Variants in LDLRAD3 observed in about 807,000 individuals in gnomAD.
LDLRAD3 encodes the protein low-density lipoprotein receptor class A domain-containing protein 3.
A neutral mutation model predicts 29.4 loss-of-function variants in LDLRAD3; 20 were observed. The observed-to-expected ratio is 0.68, with a 90% confidence interval of 0.48 to 0.99. The LOEUF (loss-of-function observed/expected upper bound fraction) is 0.99, where lower values mean the gene tolerates loss of function less well. Ranked by LOEUF, LDLRAD3 falls within the 50% of genes least tolerant of loss-of-function variation. The pLI, the probability that LDLRAD3 is intolerant of heterozygous loss-of-function variation, is 0.00. For missense variants in LDLRAD3, 420 were observed against 454.3 expected (o/e 0.92, Z 0.69); for synonymous variants, 157 against 192.7 (o/e 0.81, Z 1.53).
intron 4 of LDLRAD3, among the ~76,000 whole-genome samples, chr11:36,207,332 C>G (rs1855224506): frequency 6.6e-6 from 1 of 152,124 alleles, no homozygotes. Flanking sequence ...CTTTGATAAC[C>G]TGGTATTGGA....
chr11:35,963,433 G>GTTT (rs375997319), intron 1 of LDLRAD3, among the ~76,000 whole-genome samples: 20 of 144,432 alleles, frequency 1.4e-4, no homozygotes, highest in African/African-American at 4.8e-4. Flanking sequence ...GTGTGTGTGT[G>GTTT]TTTTTTTTTT....
intron 1 of LDLRAD3, among the ~76,000 whole-genome samples, chr11:35,974,887 C>G (rs1248706285): frequency 6.6e-6 from 1 of 152,312 alleles, no homozygotes; most frequent in South Asian, 2.1e-4. Context: ...AAGAGTCCAC[C>G]TGCCATCCTA....
chr11:36,002,060 C>T (rs913707647), intron 1 of LDLRAD3, among the ~76,000 whole-genome samples: 1 of 152,130 alleles, frequency 6.6e-6, no homozygotes, highest in African/African-American at 2.4e-5. Flanking sequence ...TGGGGCTCCT[C>T]GTCTAGGGGG....
chr11:35,974,525 G>A (rs1204418362), intron 1 of LDLRAD3, among the ~76,000 whole-genome samples: 1 of 152,234 alleles, frequency 6.6e-6, no homozygotes, highest in Non-Finnish European at 1.5e-5. Flanking sequence ...CAAAGTGTCA[G>A]CTGAAGCTGC....
rs1451239301 is a variant in LDLRAD3 at position 35,944,591 on chromosome 11, G to T, written c.46+447G>T. Reference sequence around the variant, plus strand: ...GTTAGCCTCCTCTGGGCCTCTTCCCGAGTCTCTGGCGTGCACTCCGTGCCT... The same window carrying T: ...GTTAGCCTCCTCTGGGCCTCTTCCCTAGTCTCTGGCGTGCACTCCGTGCCT... On this transcript the variant is annotated intron_variant, in intron 1 of 5. Coordinates refer to ENST00000315571, the MANE Select transcript of LDLRAD3 (RefSeq NM_174902.4). The surrounding 1 kb of genome is among the most constrained non-coding windows in gnomAD (Gnocchi z 4.9). Among the ~76,000 whole-genome samples, 1 of 152,132 alleles carries T rather than the reference G, an allele frequency of 6.6e-6. No homozygotes were observed. Among genetic ancestry groups the T allele is most frequent in the African/African-American group, 2.4e-5 (1 of 41,442 alleles).
chr11:36,059,742 A>G (rs1184614953), intron 2 of LDLRAD3, among the ~76,000 whole-genome samples: 4 of 152,146 alleles, frequency 2.6e-5, no homozygotes, highest in African/African-American at 4.8e-5. Flanking sequence ...ATCTCCGTAC[A>G]TCACCACCTA....
At chr11:36,096,029 A>G (rs1402592483) in intron 3 of LDLRAD3, among the ~76,000 whole-genome samples, 1 of 150,746 alleles carries the variant, frequency 6.6e-6, no homozygotes, top group Non-Finnish European at 1.5e-5. Context: ...GATCCAGTTG[A>G]GCCATTCTCT....
chr11:36,177,625 G>A (rs1182396992), intron 4 of LDLRAD3, among the ~76,000 whole-genome samples: 1 of 152,206 alleles, frequency 6.6e-6, no homozygotes, highest in Non-Finnish European at 1.5e-5. Context: ...CTGGACTCCA[G>A]GCTGGTGCTA....
intron 4 of LDLRAD3, among the ~76,000 whole-genome samples, chr11:36,154,929 T>G (rs555333788): frequency 1.6e-4 from 25 of 152,210 alleles, no homozygotes; most frequent in African/African-American, 6.0e-4. Flanking sequence ...TCTGTCTGTC[T>G]GCTTCTCTCT....
intron 4 of LDLRAD3, 143 bp downstream of exon 4, chr11:36,098,604 T>A (rs1853399765): frequency 3.5e-6 from 3 of 863,854 alleles, no homozygotes; most frequent in Non-Finnish European, 5.3e-6. Flanking sequence ...GCAGCCCTTG[T>A]ACAGGTAGGT....
rs370536907 is a variant in LDLRAD3, at chr11:36,174,825, C to CA, written c.455-52253dup. On this transcript the variant is annotated intron_variant, in intron 4 of 5. Coordinates refer to ENST00000315571, the MANE Select transcript of LDLRAD3 (RefSeq NM_174902.4). ...TGAAACCCTGTCTCTACTAAAAATACAAAAAAATTAGCTGGGCGTGGTGGC... is the reference window on the plus strand; with the variant it reads ...TGAAACCCTGTCTCTACTAAAAATACAAAAAAAATTAGCTGGGCGTGGTGGC... Among the ~76,000 whole-genome samples the CA allele has an allele frequency of 9.3e-3, 1,419 of 151,906 alleles. 25 individuals are homozygous for CA. Among genetic ancestry groups the CA allele is most frequent in the African/African-American group, 0.032 (1,331 of 41,420 alleles).
intron 4 of LDLRAD3, among the ~76,000 whole-genome samples, chr11:36,161,308 A>G (rs1451879504): frequency 6.6e-6 from 1 of 152,172 alleles, no homozygotes; most frequent in Non-Finnish European, 1.5e-5. Flanking sequence ...CTATAATACT[A>G]TCCCCATTTT....
intron 4 of LDLRAD3, among the ~76,000 whole-genome samples, chr11:36,168,224 C>A (rs894603685): frequency 1.3e-5 from 2 of 152,154 alleles, no homozygotes; most frequent in African/African-American, 4.8e-5. Context: ...TAAAAACCAA[C>A]AAGATCATAA....
At chr11:36,181,283 C>T (rs974948966) in intron 4 of LDLRAD3, among the ~76,000 whole-genome samples, 2 of 151,776 alleles carry the variant, frequency 1.3e-5, no homozygotes, top group Non-Finnish European at 2.9e-5. Flanking sequence ...AAAAATAAGC[C>T]TTCCTCACTA....
intron 1 of LDLRAD3, among the ~76,000 whole-genome samples, chr11:36,033,839 G>A (rs551123267): frequency 1.3e-5 from 2 of 152,310 alleles, no homozygotes; most frequent in East Asian, 1.9e-4. Flanking sequence ...CCGGTCTTGA[G>A]AGGGAGTCTC....
At chr11:35,949,523 C>T (rs1434455164) in intron 1 of LDLRAD3, among the ~76,000 whole-genome samples, 3 of 152,188 alleles carry the variant, frequency 2.0e-5, no homozygotes, top group Non-Finnish European at 4.4e-5. Context: ...CATCAAAAGG[C>T]CTTACAACTT....
At chr11:36,101,499 GTAT>G (rs1425471240) in intron 4 of LDLRAD3, among the ~76,000 whole-genome samples, 3 of 152,280 alleles carry the variant, frequency 2.0e-5, no homozygotes, top group East Asian at 1.9e-4. Flanking sequence ...ATAATAACAA[GTAT>G]TATTATTGTT....
chr11:36,036,518 C>A (rs1402635338), intron 2 of LDLRAD3, among the ~76,000 whole-genome samples: 1 of 152,170 alleles, frequency 6.6e-6, no homozygotes, highest in Non-Finnish European at 1.5e-5. Flanking sequence ...ACCCTGGAGT[C>A]CCATCCTTGC....
At chr11:36,144,386 G>A (rs929519359) in intron 4 of LDLRAD3, among the ~76,000 whole-genome samples, 37 of 141,700 alleles carry the variant, frequency 2.6e-4, no homozygotes, top group Admixed American at 1.1e-3. Context: ...CTGCCTGGCC[G>A]CCCATCATCT....
Sources: allele counts gnomAD v4.1 joint callset (sites outside exome capture counted in the v4.1 genomes callset), GRCh38; gene constraint gnomAD v4.1.1; non-coding constraint Gnocchi (gnomAD v3.1); transcripts MANE v1.5; gene names NCBI Gene and HGNC (gene_info 2026-07-23, HGNC 2026-07-21).